THSD7B: variants seen among roughly 807,000 people sequenced by gnomAD.
THSD7B encodes thrombospondin type-1 domain-containing protein 7B.
Under a neutral mutation model 213.6 loss-of-function variants are expected in THSD7B, and 138 were observed. The observed-to-expected ratio is 0.65, with a 90% CI of 0.56 to 0.74. The LOEUF is 0.74. Ranked by LOEUF, THSD7B falls within the 30% of genes least tolerant of loss-of-function variation. The probability of loss-of-function intolerance (pLI) is 0.00; values close to 1 mark genes in which losing one functional copy is unlikely to be tolerated. For missense variants in THSD7B, 1,931 were observed against 1,991.5 expected (o/e 0.97, Z 0.58); for synonymous variants, 742 against 687.0 (o/e 1.08, Z -1.25).
chr2:137,600,051 T>C (rs908517538), intron 17 of THSD7B, among the ~76,000 whole-genome samples: 3 of 152,116 alleles, frequency 2.0e-5, no homozygotes, highest in Non-Finnish European at 2.9e-5. Flanking sequence ...CCTCTTCTTC[T>C]TCATCATCTC....
At chr2:136,875,978 G>A (rs1027948560) in intron 1 of THSD7B, among the ~76,000 whole-genome samples, 1 of 152,128 alleles carries the variant, frequency 6.6e-6, no homozygotes, top group African/African-American at 2.4e-5. Flanking sequence ...ATTTGGAGTA[G>A]AGAAGATATG....
In THSD7B at chr2:137,615,384, C is replaced by T. The variant is rs560317775; in HGVS notation, c.3424-791C>T. Among the ~76,000 whole-genome samples, 4 of 152,160 alleles carry T rather than the reference C, an allele frequency of 2.6e-5. No individual in the cohort carries two copies. The East Asian group carries it at 5.8e-4, about 22-fold the overall frequency. Reference sequence around the variant, plus strand: ...TGAGGCTTGATTAGTGTTCTGAAAACGGTGAATAGGATTTGGAGGACAGTG... The same window carrying T: ...TGAGGCTTGATTAGTGTTCTGAAAATGGTGAATAGGATTTGGAGGACAGTG... On this transcript the variant is annotated intron_variant, in intron 17 of 27. Coordinates refer to ENST00000409968, the MANE Select transcript of THSD7B (RefSeq NM_001316349.2).
At chr2:137,412,281 C>T (rs1350399782) in intron 14 of THSD7B, among the ~76,000 whole-genome samples, 1 of 147,558 alleles carries the variant, frequency 6.8e-6, no homozygotes, top group East Asian at 2.0e-4. Flanking sequence ...AAAAAAAAAT[C>T]AATGAAAAAG....
intron 1 of THSD7B, among the ~76,000 whole-genome samples, chr2:136,842,393 G>A (rs925492984): frequency 3.9e-5 from 6 of 152,106 alleles, no homozygotes; most frequent in African/African-American, 1.4e-4. Flanking sequence ...CCCATTATGA[G>A]GGTCAAAGAC....
chr2:137,254,129 C>G (rs1172892375), intron 10 of THSD7B, among the ~76,000 whole-genome samples: 1 of 152,146 alleles, frequency 6.6e-6, no homozygotes, highest in African/African-American at 2.4e-5. Flanking sequence ...CCTGGATAGT[C>G]TGTGAATCTC....
rs774665294 is a variant in THSD7B, at chr2:137,057,048, T to G, written c.768T>G (p.Leu256=). 4 of 1,613,918 alleles carry G rather than the reference T, an allele frequency of 2.5e-6. No homozygotes were observed. The Admixed American group carries it at 6.7e-5, about 27-fold the overall frequency. The change falls in exon 3 of 28, where the codon CTT becomes CTG. Residue 256 remains leucine, a synonymous_variant. Transcript: ENST00000409968. ...GPWSKCRLPH[L]KEINPSGRTV... is the part of the protein sequence containing the mutation. ...GGAGTAAATGCAGACTGCCTCATCT[T>G]AAAGAAATTAATCCAAGCGGAAGAA...
At chr2:137,630,561 C>G (rs781481139) in intron 20 of THSD7B, among the ~76,000 whole-genome samples, 2 of 152,176 alleles carry the variant, frequency 1.3e-5, no homozygotes, top group Non-Finnish European at 2.9e-5. Flanking sequence ...TGCTTGAATC[C>G]TCATACAGCA....
chr2:137,418,429 T>A (rs1466158530), intron 14 of THSD7B, among the ~76,000 whole-genome samples: 1 of 152,226 alleles, frequency 6.6e-6, no homozygotes, highest in East Asian at 1.9e-4. Context: ...CTCCTTTTTT[T>A]AATCATTATA....
chr2:137,544,044 A>G (rs1680654512), intron 15 of THSD7B, among the ~76,000 whole-genome samples: 1 of 151,806 alleles, frequency 6.6e-6, no homozygotes, highest in Admixed American at 6.6e-5. Context: ...CCACTTTGGA[A>G]CACTGTGTGG....
intron 2 of THSD7B, among the ~76,000 whole-genome samples, chr2:136,994,447 G>T (rs2104818687): frequency 6.6e-6 from 1 of 152,192 alleles, no homozygotes; most frequent in East Asian, 1.9e-4. Context: ...GGCGCCTTTA[G>T]TCCCAGCTAC....
chr2:136,794,695 G>T (rs577455193), intron 1 of THSD7B, among the ~76,000 whole-genome samples: 28 of 151,894 alleles, frequency 1.8e-4, no homozygotes, highest in Middle Eastern at 3.2e-3. Flanking sequence ...ATACATATTT[G>T]ATTAGGACAG....
At chr2:136,919,515 G>A (rs1044088369) in intron 2 of THSD7B, among the ~76,000 whole-genome samples, 2 of 152,206 alleles carry the variant, frequency 1.3e-5, no homozygotes, top group Non-Finnish European at 2.9e-5. Context: ...TATTCTAAAT[G>A]TACAGCATCT....
intron 1 of THSD7B, among the ~76,000 whole-genome samples, chr2:136,781,333 C>T (rs1405951518): frequency 3.4e-5 from 5 of 148,042 alleles, no homozygotes; most frequent in African/African-American, 7.5e-5. Context: ...GGCCTGATCT[C>T]GGCTCACTGT....
At chr2:137,530,260 A>G (rs954263937) in intron 15 of THSD7B, among the ~76,000 whole-genome samples, 8 of 152,038 alleles carry the variant, frequency 5.3e-5, no homozygotes, top group Non-Finnish European at 1.0e-4. Flanking sequence ...TCATGGATTT[A>G]TATGAAACAT....
At chr2:137,525,275 C>T (rs905200795) in intron 15 of THSD7B, among the ~76,000 whole-genome samples, 1 of 152,022 alleles carries the variant, frequency 6.6e-6, no homozygotes, top group Non-Finnish European at 1.5e-5. Flanking sequence ...TCTTTCTGAC[C>T]CCAGAGATCA....
intron 15 of THSD7B, among the ~76,000 whole-genome samples, chr2:137,557,888 C>A (rs1339997557): frequency 6.6e-6 from 1 of 152,176 alleles, no homozygotes; most frequent in African/African-American, 2.4e-5. Context: ...GATATCACCA[C>A]TGATCCCACA....
intron 17 of THSD7B, among the ~76,000 whole-genome samples, chr2:137,604,327 TG>T (rs1682132211): frequency 6.6e-6 from 1 of 152,192 alleles, no homozygotes; most frequent in Non-Finnish European, 1.5e-5. Flanking sequence ...ATGTCTTTAC[TG>T]TCAATAATAT....
intron 2 of THSD7B, among the ~76,000 whole-genome samples, chr2:137,009,003 G>C (rs551588999): frequency 6.6e-6 from 1 of 152,148 alleles, no homozygotes; most frequent in Admixed American, 6.5e-5. Flanking sequence ...TTGTTCTTCT[G>C]CAGACAGTAA....
rs542060519 is a variant in THSD7B, at chr2:137,350,410, G to A, written c.2501-55203G>A. Among the ~76,000 whole-genome samples, 26 of 151,904 alleles carry A rather than the reference G, an allele frequency of 1.7e-4. No individual in the cohort carries two copies. In the South Asian group the frequency reaches 4.1e-3, roughly 24 times the overall value. On this transcript the variant is annotated intron_variant, in intron 12 of 27. Transcript: ENST00000409968. ...TGTAAGGAAGATGTTAAGTGCAATG[G>A]AATAATCGAAATAGAACCGTTGTGG...
Sources: gnomAD v4.1 joint callset for allele counts (sites outside exome capture counted in the v4.1 genomes callset) on GRCh38, gnomAD v4.1.1 for gene constraint, MANE v1.5 for transcripts, NCBI Gene and HGNC (gene_info 2026-07-23, HGNC 2026-07-21) for gene names.